MOK: variants seen among roughly 807,000 people sequenced by gnomAD.
MOK encodes the protein MAPK/MAK/MRK overlapping kinase.
In MOK, 59 loss-of-function variants were observed where a neutral mutation model predicts 54.2. The ratio of observed to expected loss-of-function variants is 1.09; its 90% CI spans 0.88 to 1.35. MOK has a LOEUF of 1.35. Ranked by LOEUF, MOK falls within the 40% of genes most tolerant of loss-of-function variation. MOK has a pLI of 0.00. For missense variants in MOK, 517 were observed against 526.2 expected (o/e 0.98, Z 0.17); for synonymous variants, 210 against 202.7 (o/e 1.04, Z -0.31).
At chr14:102,226,961 T>TAAACCAGGAGGGCCTCAAA (rs1455515543), downstream of MOK, among the ~76,000 whole-genome samples, 16 of 152,092 alleles carry the variant, frequency 1.1e-4, no homozygotes, top group Non-Finnish European at 1.9e-4. This position sits in a 1 kb window ranked among gnomAD's most constrained non-coding sequence, Gnocchi z 4.8. Context: ...CGAGTCTAAC[T>TAAACCAGGAGGGCCTCAAA]AAACCAGGAG....
chr14:102,252,444 A>C (rs1241049536), intron 4 of MOK, among the ~76,000 whole-genome samples: 4 of 152,072 alleles, frequency 2.6e-5, no homozygotes, highest in African/African-American at 9.7e-5. Context: ...AACAGGAGCA[A>C]AACTCCGTCC....
chr14:102,241,320 A>G lies in MOK; in HGVS notation c.591-7531T>C, dbSNP rs1217208927. ...AGGTCTCAATTCTTCCTCAGCCTCCACTCCCCCACCCTATAATCCTTTAAT... is the reference window on the plus strand; with the variant it reads ...AGGTCTCAATTCTTCCTCAGCCTCCGCTCCCCCACCCTATAATCCTTTAAT... On this transcript the variant is annotated intron_variant, in intron 7 of 11. Transcript: ENST00000361847. Among the ~76,000 whole-genome samples, 3 of 151,718 alleles carry G rather than the reference A, an allele frequency of 2.0e-5. No homozygotes were observed. In the East Asian group the frequency reaches 5.8e-4, roughly 29 times the overall value.
At position 102,245,816 on chromosome 14, in the gene MOK, A is replaced by G. The variant is rs1221149708; in HGVS notation, c.590+4996T>C. ...AAACTCTCAGGACATACCCCCTAGTATCACCTTTCCAGGTTAAAGAGAGCT... is the reference window on the plus strand; with the variant it reads ...AAACTCTCAGGACATACCCCCTAGTGTCACCTTTCCAGGTTAAAGAGAGCT... On this transcript the variant is annotated intron_variant, in intron 7 of 11. Transcript: ENST00000361847. This position sits in a 1 kb window ranked among gnomAD's most constrained non-coding sequence, Gnocchi z 4.3. Among the ~76,000 whole-genome samples, 1 of 152,110 alleles carries G rather than the reference A, an allele frequency of 6.6e-6. No homozygotes were observed. The highest frequency in any genetic ancestry group is 2.4e-5 in the African/African-American group (1 of 41,418).
chr14:102,229,407 C>A (rs772863186), intron 11 of MOK, 41 bp from the exon 12 acceptor site: 1 of 1,614,110 alleles, frequency 6.2e-7, no homozygotes, highest in Admixed American at 1.7e-5. Context: ...CAGTGGCGGC[C>A]TGGGCTGGGT....
At position 102,247,982 on chromosome 14, in the gene MOK, G is replaced by A. The variant is rs564374713; in HGVS notation, c.590+2830C>T. ...CTTCTCACTCAGTTTTTACAGGACC[G>A]TATCGGAGCCTTCAATACAATACAA... is the stretch of plus-strand genomic sequence containing the variant. On this transcript the variant is annotated intron_variant, in intron 7 of 11. Transcript: ENST00000361847. 2.7e-4 allele frequency among the ~76,000 whole-genome samples: 41 copies of A among 152,218 alleles called. 2 individuals are homozygous for A. The highest frequency in any genetic ancestry group is 7.7e-4 in the African/African-American group (32 of 41,524).
At chr14:102,222,060 G>T (rs986489758), downstream of MOK, among the ~76,000 whole-genome samples, 2 of 152,196 alleles carry the variant, frequency 1.3e-5, no homozygotes, top group Admixed American at 6.5e-5. The surrounding 1 kb of genome is among the most constrained non-coding windows in gnomAD (Gnocchi z 4.4). Flanking sequence ...GGTCACACCA[G>T]TATTGTAAAA....
chr14:102,227,631 C>T (rs546310578), downstream of MOK, among the ~76,000 whole-genome samples: 1 of 152,008 alleles, frequency 6.6e-6, no homozygotes, highest in Non-Finnish European at 1.5e-5. Flanking sequence ...CCGGTCTGAA[C>T]ATTACGGCAA....
intron 8 of MOK, chr14:102,233,381 G>A (rs1471913561): frequency 3.9e-5 from 12 of 310,088 alleles, no homozygotes; most frequent in Admixed American, 1.4e-4. Context: ...CTTGGGGAAC[G>A]TTTCCACCCA....
intron 4 of MOK, among the ~76,000 whole-genome samples, chr14:102,258,003 T>C (rs2067109871): frequency 6.6e-6 from 1 of 152,044 alleles, no homozygotes; most frequent in Non-Finnish European, 1.5e-5. Flanking sequence ...AATACCTGTT[T>C]AGAACCACTT....
At chr14:102,234,284 C>T (rs2153087131) in intron 7 of MOK, 1 of 159,200 alleles carries the variant, frequency 6.3e-6, no homozygotes, top group South Asian at 1.8e-4. Context: ...TCACCCCTCT[C>T]CTGGCCAATC....
At chr14:102,297,497 T>G (rs2071564621) in intron 1 of MOK, among the ~76,000 whole-genome samples, 1 of 152,266 alleles carries the variant, frequency 6.6e-6, no homozygotes, top group Admixed American at 6.5e-5. Context: ...GATAGCGTGC[T>G]GGCAGCCCTT....
chr14:102,251,797 T>C lies in MOK; in HGVS notation c.370A>G (p.Ile124Val), dbSNP rs754105740. The change falls in exon 6 of 12, where the codon ATA becomes GTA. Residue 124 changes from isoleucine (I) to valine (V), a missense_variant. By Grantham distance (29) the Ile-to-Val change is conservative (BLOSUM62 3). Coordinates refer to ENST00000361847, the MANE Select transcript of MOK (RefSeq NM_014226.3). ...TCTGGTTTTACATCTCTGTGAAATATTCCATTTCTGCATTCAGTATAAAGG... is the reference window on the plus strand; with the variant it reads ...TCTGGTTTTACATCTCTGTGAAATACTCCATTTCTGCATTCAGTATAAAGG... Reference protein sequence around the residue: ...KSLDHIHRNGIFHRDVKPENI... With the variant: ...KSLDHIHRNGVFHRDVKPENI... The C allele has an allele frequency of 6.4e-7, 1 of 1,572,860 alleles. No individual in the cohort carries two copies. The highest frequency in any genetic ancestry group is 8.7e-7 in the Non-Finnish European group (1 of 1,144,386).
chr14:102,294,379 G>T lies in MOK; in HGVS notation c.7+10583C>A, dbSNP rs936519935. 7.3e-5 allele frequency among the ~76,000 whole-genome samples: 11 copies of T among 151,314 alleles called. 1 individual carries two copies. The highest frequency in any genetic ancestry group is 8.8e-5 in the Non-Finnish European group (6 of 67,926). On this transcript the variant is annotated intron_variant, in intron 1 of 11. Coordinates refer to ENST00000361847, the MANE Select transcript of MOK (RefSeq NM_014226.3). ...GAAAATGGCATGAACCCGGGAGGCG[G>T]AGCTGGCAGTGAGCCGAGATAGCGC...
At chr14:102,280,961 C>T (rs2069354785) in intron 2 of MOK, 1 of 152,180 alleles carries the variant, frequency 6.6e-6, no homozygotes, top group Admixed American at 6.6e-5. Flanking sequence ...GAGGCCAAGG[C>T]AAGTGGATCG....
chr14:102,300,094 C>T (rs778264945), intron 1 of MOK, among the ~76,000 whole-genome samples: 12 of 151,966 alleles, frequency 7.9e-5, no homozygotes, highest in African/African-American at 1.7e-4. Flanking sequence ...GAGGCCAAGG[C>T]GGGCAGATTG....
In MOK at chr14:102,238,955, G is replaced by A. The variant is rs917583333; in HGVS notation, c.591-5166C>T. Among the ~76,000 whole-genome samples, 1 of 152,072 alleles carries A rather than the reference G, an allele frequency of 6.6e-6. No homozygotes were observed. The highest frequency in any genetic ancestry group is 2.4e-5 in the African/African-American group (1 of 41,388). On this transcript the variant is annotated intron_variant, in intron 7 of 11. Coordinates refer to ENST00000361847, the MANE Select transcript of MOK (RefSeq NM_014226.3). The surrounding 1 kb of genome is among the most constrained non-coding windows in gnomAD (Gnocchi z 4.8). ...AATAGACTTCACCCACATGCCTCCC[G>A]TCAAAAACACAAGACTACTTCTCAC...
chr14:102,241,684 C>T (rs535645995), intron 7 of MOK, among the ~76,000 whole-genome samples: 4 of 152,222 alleles, frequency 2.6e-5, no homozygotes, highest in East Asian at 3.9e-4. Flanking sequence ...AATTAGATTC[C>T]GGCCCTCAAA....
intron 4 of MOK, among the ~76,000 whole-genome samples, chr14:102,261,062 C>T (rs770262198): frequency 6.6e-6 from 1 of 151,858 alleles, no homozygotes; most frequent in Admixed American, 6.6e-5. Context: ...TCAAGGCCAT[C>T]CTGGCCAACA....
In MOK at chr14:102,304,146, TTGACAATTA is replaced by T. The variant is rs1250338188; in HGVS notation, c.7+807_7+815del. Among the ~76,000 whole-genome samples the T allele has an allele frequency of 3.9e-5, 6 of 152,344 alleles. 1 individual carries two copies. The highest frequency in any genetic ancestry group is 1.2e-4 in the African/African-American group (5 of 41,584). Reference sequence around the variant, plus strand: ...TTTAAATGTTATGCAATGTACACCATTGACAATTAGGATACAATGCAAATTTAACATTAT... The same window carrying T: ...TTTAAATGTTATGCAATGTACACCATGGATACAATGCAAATTTAACATTAT... On this transcript the variant is annotated intron_variant, in intron 1 of 11. Coordinates refer to ENST00000361847, the MANE Select transcript of MOK (RefSeq NM_014226.3).
Sources: gnomAD v4.1 joint callset for allele counts (sites outside exome capture counted in the v4.1 genomes callset) on GRCh38, gnomAD v4.1.1 for gene constraint, Gnocchi (gnomAD v3.1) non-coding constraint, MANE v1.5 for transcripts, NCBI Gene and HGNC (gene_info 2026-07-23, HGNC 2026-07-21) for gene names.